Variants in PLXNA4 observed in about 807,000 individuals in gnomAD.
The protein encoded by PLXNA4 is plexin-A4.
A neutral mutation model predicts 191.8 loss-of-function variants in PLXNA4; 44 were observed. The observed-to-expected ratio is 0.23, with a 90% confidence interval of 0.18 to 0.29. The LOEUF (loss-of-function observed/expected upper bound fraction) is 0.29, where lower values mean the gene tolerates loss of function less well. Ranked by LOEUF, PLXNA4 falls within the 10% of genes least tolerant of loss-of-function variation. The pLI is 1.00. For missense variants in PLXNA4, 1,800 were observed against 2,488.8 expected (o/e 0.72, Z 5.89); for synonymous variants, 1,082 against 1,009.5 (o/e 1.07, Z -1.36).
In PLXNA4 at chr7:132,159,483, A is replaced by G; in HGVS notation, c.4650T>C (p.Asp1550=). Residue 1550 remains aspartate, a synonymous_variant, in exon 25 of 32, where the codon GAT becomes GAC. Transcript: ENST00000321063. ...GGACAGCCTACTCACCCAGATCCAT[A>G]TCTGCAGCTTTGGGCCGGTGGGAGC... ...VPCSHRPKAA[D]MDLEWRQGSG... The G allele has an allele frequency of 6.2e-7, 1 of 1,614,110 alleles. No individual in the cohort carries two copies. The highest frequency in any genetic ancestry group is 8.5e-7 in the Non-Finnish European group (1 of 1,179,988).
intron 4 of PLXNA4, among the ~76,000 whole-genome samples, chr7:132,291,550 T>C (rs777111768): frequency 2.0e-5 from 3 of 152,210 alleles, no homozygotes; most frequent in African/African-American, 4.8e-5. Context: ...GAATATTGAA[T>C]GAATAAGGTG....
intron 3 of PLXNA4, among the ~76,000 whole-genome samples, chr7:132,467,850 C>T (rs1796769488): frequency 6.6e-6 from 1 of 152,164 alleles, no homozygotes; most frequent in African/African-American, 2.4e-5. Flanking sequence ...TACCGAGGAA[C>T]ACACTTCTTG....
intron 3 of PLXNA4, among the ~76,000 whole-genome samples, chr7:132,374,235 G>A (rs548787755): frequency 5.3e-5 from 8 of 152,272 alleles, no homozygotes; most frequent in South Asian, 4.1e-4. Context: ...GAAAGCCTCC[G>A]TGGCCTTCAT....
intron 2 of PLXNA4, among the ~76,000 whole-genome samples, chr7:132,592,335 G>C (rs1361402604): frequency 6.6e-6 from 1 of 152,120 alleles, no homozygotes; most frequent in Non-Finnish European, 1.5e-5. Flanking sequence ...GAGAGAAACA[G>C]AGTCATGAGG....
At chr7:132,176,350 ATG>A (rs1796455718) in intron 20 of PLXNA4, among the ~76,000 whole-genome samples, 1 of 152,196 alleles carries the variant, frequency 6.6e-6, no homozygotes, top group Admixed American at 6.5e-5. Context: ...GCCTGCACCA[ATG>A]TGTGTGTGCA....
At chr7:132,307,782 G>C (rs532728715) in intron 3 of PLXNA4, among the ~76,000 whole-genome samples, 24 of 133,082 alleles carry the variant, frequency 1.8e-4, no homozygotes, top group Non-Finnish European at 8.2e-5. Context: ...CCCCAGAATA[G>C]CTCCATGAGG....
intron 1 of PLXNA4, among the ~76,000 whole-genome samples, chr7:132,528,439 C>T (rs1799496092): frequency 6.6e-6 from 1 of 152,136 alleles, no homozygotes; most frequent in East Asian, 1.9e-4. Flanking sequence ...AAGCAGGCAG[C>T]CATGATTGGA....
At chr7:132,182,357 T>C (rs117596505) in intron 16 of PLXNA4, among the ~76,000 whole-genome samples, 167 bp from the exon 17 acceptor site, 32 of 152,130 alleles carry the variant, frequency 2.1e-4, no homozygotes, top group Non-Finnish European at 3.7e-4. Flanking sequence ...TAAGGATGAG[T>C]ATCTCGGCAG....
At chr7:132,550,366 T>C (rs1800505875) in intron 1 of PLXNA4, among the ~76,000 whole-genome samples, 1 of 152,144 alleles carries the variant, frequency 6.6e-6, no homozygotes, top group East Asian at 1.9e-4. Context: ...TTTCCTTTAT[T>C]ACCCTTGATC....
chr7:132,383,199 C>A (rs1437659315), intron 3 of PLXNA4, among the ~76,000 whole-genome samples: 1 of 152,090 alleles, frequency 6.6e-6, no homozygotes, highest in African/African-American at 2.4e-5. Context: ...CCAAGCAAAC[C>A]ATACAGCCCA....
At chr7:132,315,568 A>T (rs979171994) in intron 3 of PLXNA4, among the ~76,000 whole-genome samples, 8 of 152,226 alleles carry the variant, frequency 5.3e-5, no homozygotes, top group Non-Finnish European at 1.0e-4. Context: ...ATAGCTAACA[A>T]GTGCTGGATC....
intron 2 of PLXNA4, among the ~76,000 whole-genome samples, chr7:132,621,436 T>C (rs1211556995): frequency 1.3e-5 from 2 of 152,112 alleles, no homozygotes; most frequent in Non-Finnish European, 2.9e-5. Flanking sequence ...AATTTTTGTA[T>C]TTTTAACAGA....
chr7:132,390,758 C>T (rs548155170), intron 3 of PLXNA4, among the ~76,000 whole-genome samples: 2 of 152,230 alleles, frequency 1.3e-5, no homozygotes, highest in East Asian at 3.9e-4. Context: ...ACACCCAGCC[C>T]CACCCTGCCT....
intron 3 of PLXNA4, among the ~76,000 whole-genome samples, chr7:132,430,593 C>T (rs1359564214): frequency 6.6e-6 from 1 of 152,134 alleles, no homozygotes; most frequent in East Asian, 1.9e-4. Flanking sequence ...GAAAGAACAA[C>T]TAGCAAGGCA....
intron 1 of PLXNA4, among the ~76,000 whole-genome samples, chr7:132,527,539 CAAAAAAA>C (rs34598256): frequency 1.7e-5 from 1 of 59,716 alleles, no homozygotes; most frequent in Admixed American, 2.2e-4. Context: ...GAAACAGACT[CAAAAAAA>C]AAAAAAAAAA....
chr7:132,479,252 G>A (rs1477779986), intron 3 of PLXNA4, among the ~76,000 whole-genome samples: 1 of 150,006 alleles, frequency 6.7e-6, no homozygotes, highest in Non-Finnish European at 1.5e-5. Flanking sequence ...CTGGGTGACA[G>A]AGCAAGACCC....
At chr7:132,229,671 G>T (rs1584874696) in intron 5 of PLXNA4, among the ~76,000 whole-genome samples, 1 of 152,270 alleles carries the variant, frequency 6.6e-6, no homozygotes, top group East Asian at 1.9e-4. Context: ...TTGCAGGGCA[G>T]GAGAGAGCCC....
At chr7:132,552,579 G>A (rs1443028911) in intron 1 of PLXNA4, among the ~76,000 whole-genome samples, 3 of 152,178 alleles carry the variant, frequency 2.0e-5, no homozygotes, top group East Asian at 3.8e-4. Context: ...AGAAGGCTCT[G>A]GAAGGTGAGA....
intron 3 of PLXNA4, among the ~76,000 whole-genome samples, chr7:132,344,605 C>T (rs1001795225): frequency 6.6e-6 from 1 of 152,200 alleles, no homozygotes; most frequent in African/African-American, 2.4e-5. Flanking sequence ...CTTTAAACCT[C>T]CTGGAGGTTT....
Sources: allele counts gnomAD v4.1 joint callset (sites outside exome capture counted in the v4.1 genomes callset), GRCh38; gene constraint gnomAD v4.1.1; transcripts MANE v1.5; gene names NCBI Gene and HGNC (gene_info 2026-07-23, HGNC 2026-07-21).